Variants in SGCZ observed in about 807,000 individuals in gnomAD.
The protein encoded by SGCZ is zeta-sarcoglycan.
In SGCZ, 40 loss-of-function variants were observed where a neutral mutation model predicts 41.3. That is an observed-to-expected ratio of 0.97 (90% CI 0.75 to 1.26). SGCZ has a LOEUF of 1.26. SGCZ is among the 50% of genes most tolerant of loss of function. SGCZ has a pLI of 0.00. For synonymous variants in SGCZ, 206 were observed against 137.5 expected, an observed-to-expected ratio of 1.50 and a Z score of -3.49; for missense variants, 552 against 369.8, an observed-to-expected ratio of 1.49 and a Z score of -4.04.
intron 1 of SGCZ, among the ~76,000 whole-genome samples, chr8:15,087,249 T>C (rs1805983776): frequency 6.6e-6 from 1 of 152,034 alleles, no homozygotes; most frequent in South Asian, 2.1e-4. Flanking sequence ...TCGACCAAAA[T>C]CTACTACAGT....
intron 4 of SGCZ, among the ~76,000 whole-genome samples, chr8:14,181,292 G>T (rs1804717968): frequency 6.6e-6 from 1 of 152,170 alleles, no homozygotes; most frequent in Non-Finnish European, 1.5e-5. Flanking sequence ...TCAGCAACAA[G>T]TTCAATTGTT....
At chr8:14,967,445 T>C in intron 1 of SGCZ, among the ~76,000 whole-genome samples, 1 of 152,194 alleles carries the variant, frequency 6.6e-6, no homozygotes, top group East Asian at 1.9e-4. Context: ...CATGCACACC[T>C]CTGTCTTCAA....
chr8:15,056,291 A>G (rs889172009), intron 1 of SGCZ, among the ~76,000 whole-genome samples: 31 of 152,222 alleles, frequency 2.0e-4, no homozygotes, highest in Non-Finnish European at 3.7e-4. Flanking sequence ...ATAAGATAAT[A>G]TGAACTGATC....
intron 1 of SGCZ, among the ~76,000 whole-genome samples, chr8:14,893,014 G>A (rs531376695): frequency 1.3e-5 from 2 of 152,258 alleles, no homozygotes; most frequent in Non-Finnish European, 2.9e-5. Flanking sequence ...AATGACAGAC[G>A]TCTACATCCT....
intron 4 of SGCZ, among the ~76,000 whole-genome samples, chr8:14,195,439 G>T (rs1014006647): frequency 1.3e-5 from 2 of 152,072 alleles, no homozygotes; most frequent in African/African-American, 2.4e-5. Context: ...CACGTACTTA[G>T]AATTTGGAGT....
intron 5 of SGCZ, among the ~76,000 whole-genome samples, chr8:14,161,941 G>C (rs1804059769): frequency 6.6e-6 from 1 of 151,968 alleles, no homozygotes; most frequent in Non-Finnish European, 1.5e-5. Flanking sequence ...AGAAGCAATA[G>C]GAGGAAGAAG....
chr8:15,125,512 T>A (rs1222630046), intron 1 of SGCZ, among the ~76,000 whole-genome samples: 1 of 152,220 alleles, frequency 6.6e-6, no homozygotes, highest in Non-Finnish European at 1.5e-5. Context: ...CTCTTCTTTA[T>A]GCTTCTAATT....
intron 3 of SGCZ, among the ~76,000 whole-genome samples, chr8:14,298,721 G>A (rs1296176458): frequency 6.6e-6 from 1 of 151,986 alleles, no homozygotes; most frequent in Non-Finnish European, 1.5e-5. Flanking sequence ...ATATGTCAAT[G>A]TATTGGATGA....
chr8:14,792,365 CA>C (rs1216790529), intron 1 of SGCZ, among the ~76,000 whole-genome samples: 7 of 152,102 alleles, frequency 4.6e-5, no homozygotes, highest in Admixed American at 4.6e-4. Flanking sequence ...AACTCTTTAT[CA>C]AGTCCCCTTT....
chr8:14,091,068 C>T (rs1004532717), intron 7 of SGCZ, among the ~76,000 whole-genome samples: 2 of 151,896 alleles, frequency 1.3e-5, no homozygotes, highest in Non-Finnish European at 2.9e-5. Context: ...CTCCCACTTA[C>T]AAGTGAGAAC....
chr8:15,013,893 G>C (rs578083236), intron 1 of SGCZ, among the ~76,000 whole-genome samples: 1 of 152,074 alleles, frequency 6.6e-6, no homozygotes, highest in African/African-American at 2.4e-5. Context: ...TACTGGGCTC[G>C]GGCAGCTAGA....
chr8:14,801,341 G>T (rs558577783), intron 1 of SGCZ, among the ~76,000 whole-genome samples: 2 of 152,124 alleles, frequency 1.3e-5, no homozygotes, highest in African/African-American at 2.4e-5. Context: ...CTAAGGAAAT[G>T]AATCATTTTT....
intron 2 of SGCZ, among the ~76,000 whole-genome samples, chr8:14,381,325 A>G (rs1804353462): frequency 6.6e-6 from 1 of 152,228 alleles, no homozygotes; most frequent in Admixed American, 6.5e-5. Context: ...GAATATAAAA[A>G]CATACAACCT....
At chr8:14,722,233 A>G (rs146047662) in intron 1 of SGCZ, among the ~76,000 whole-genome samples, 1 of 152,114 alleles carries the variant, frequency 6.6e-6, no homozygotes, top group East Asian at 1.9e-4. Flanking sequence ...ATGTTTATTT[A>G]GTTAACCAAT....
At chr8:14,446,520 G>A (rs1341785103) in intron 2 of SGCZ, among the ~76,000 whole-genome samples, 1 of 152,106 alleles carries the variant, frequency 6.6e-6, no homozygotes, top group African/African-American at 2.4e-5. Context: ...AATAAATTCT[G>A]ATACAATATT....
At chr8:15,022,350 T>G (rs1329188044) in intron 1 of SGCZ, among the ~76,000 whole-genome samples, 1 of 152,080 alleles carries the variant, frequency 6.6e-6, no homozygotes, top group African/African-American at 2.4e-5. Flanking sequence ...TTTTATTTAT[T>G]TATTTATTTT....
rs564648574 is a variant in SGCZ at position 14,758,136 on chromosome 8, A to G, written c.40-203210T>C. 7.9e-5 allele frequency among the ~76,000 whole-genome samples: 12 copies of G among 152,292 alleles called. 1 individual carries two copies. The highest frequency in any genetic ancestry group is 5.9e-4 in the Admixed American group (9 of 15,290). On this transcript the variant is annotated intron_variant, in intron 1 of 7. Coordinates refer to ENST00000382080, the MANE Select transcript of SGCZ (RefSeq NM_139167.4). ...TACACAGCTGATAAAGTACAATGAT[A>G]TTTCTCTCCTTATGCACATATTCAA...
At chr8:15,026,817 A>G (rs939391651) in intron 1 of SGCZ, among the ~76,000 whole-genome samples, 19 of 152,188 alleles carry the variant, frequency 1.2e-4, no homozygotes, top group African/African-American at 4.6e-4. Flanking sequence ...AGAAAGCCCA[A>G]CAGTAGATTT....
chr8:14,476,303 A>G (rs915100267), intron 2 of SGCZ, among the ~76,000 whole-genome samples: 1 of 152,122 alleles, frequency 6.6e-6, no homozygotes, highest in Non-Finnish European at 1.5e-5. Flanking sequence ...CAAAAAGCAG[A>G]AGATGGGTTC....
Sources: allele counts gnomAD v4.1 joint callset (sites outside exome capture counted in the v4.1 genomes callset), GRCh38; gene constraint gnomAD v4.1.1; transcripts MANE v1.5; gene names NCBI Gene and HGNC (gene_info 2026-07-23, HGNC 2026-07-21).